Variants in DLGAP1 observed in about 807,000 individuals in gnomAD.
DLGAP1 encodes the protein disks large-associated protein 1.
Under a neutral mutation model 90.8 loss-of-function variants are expected in DLGAP1, and 11 were observed. The ratio of observed to expected loss-of-function variants is 0.12; its 90% CI spans 0.08 to 0.20. The LOEUF (loss-of-function observed/expected upper bound fraction) is 0.20. Ranked by LOEUF, DLGAP1 falls within the 10% of genes least tolerant of loss-of-function variation. The pLI is 1.00. For synonymous variants in DLGAP1, 558 were observed against 540.7 expected (o/e 1.03, Z -0.44); for missense variants, 1,050 against 1,333.8 (o/e 0.79, Z 3.31).
chr18:3,552,685 AC>A (rs1324699877), intron 9 of DLGAP1, among the ~76,000 whole-genome samples: 3 of 152,138 alleles, frequency 2.0e-5, no homozygotes, highest in Non-Finnish European at 4.4e-5. Context: ...CAGGCCAGAG[AC>A]CCTTAGTTTT....
intron 3 of DLGAP1, among the ~76,000 whole-genome samples, chr18:3,989,975 A>T (rs1599278900): frequency 1.3e-5 from 2 of 152,166 alleles, no homozygotes; most frequent in African/African-American, 4.8e-5. Flanking sequence ...TTAAAAAGTC[A>T]GGAAACAACA....
At chr18:4,235,717 G>GTTTTT (rs2078395182) in intron 1 of DLGAP1, among the ~76,000 whole-genome samples, 3 of 101,606 alleles carry the variant, frequency 3.0e-5, no homozygotes, top group African/African-American at 7.5e-5. Flanking sequence ...CAATTTCAAT[G>GTTTTT]TCTTTTTTTT....
intron 1 of DLGAP1, among the ~76,000 whole-genome samples, chr18:4,450,057 C>A (rs757506416): frequency 6.6e-6 from 1 of 152,156 alleles, no homozygotes. Flanking sequence ...AATGTCTACA[C>A]GAAAATAGCT....
chr18:4,073,746 G>C (rs1319386524), intron 2 of DLGAP1, among the ~76,000 whole-genome samples: 2 of 152,090 alleles, frequency 1.3e-5, no homozygotes, highest in African/African-American at 2.4e-5. Flanking sequence ...ATTTGACACT[G>C]ATAGGAGAAG....
At chr18:3,869,737 C>G (rs1256452687) in intron 4 of DLGAP1, among the ~76,000 whole-genome samples, 2 of 152,042 alleles carry the variant, frequency 1.3e-5, no homozygotes, top group Non-Finnish European at 2.9e-5. Flanking sequence ...AATCCCAATG[C>G]CAGCTTAATA....
rs143079801 is a variant in DLGAP1, at chr18:4,287,238, A to G, written c.-266-135951T>C. ...GAGATACCATCTCACATCAGTTAAA[A>G]AGTCAGGAAACAACAGATGCTGGAG... is the stretch of plus-strand genomic sequence containing the variant. On this transcript the variant is annotated intron_variant, in intron 1 of 12. Transcript: ENST00000315677. 3.5e-4 allele frequency among the ~76,000 whole-genome samples: 53 copies of G among 152,342 alleles called. No homozygotes were observed. The East Asian group carries it at 9.6e-3, about 28-fold the overall frequency.
At chr18:3,636,361 T>G (rs1187680538) in intron 7 of DLGAP1, among the ~76,000 whole-genome samples, 2 of 151,646 alleles carry the variant, frequency 1.3e-5, no homozygotes, top group Non-Finnish European at 2.9e-5. Flanking sequence ...CCAGACCCTA[T>G]AGAGTGCCCA....
chr18:3,927,558 A>G (rs1317348487), intron 3 of DLGAP1, among the ~76,000 whole-genome samples: 1 of 152,214 alleles, frequency 6.6e-6, no homozygotes, highest in East Asian at 1.9e-4. Flanking sequence ...AGGCTAAATA[A>G]ATTTTTATCG....
At chr18:3,860,161 A>T (rs2069954314) in intron 4 of DLGAP1, among the ~76,000 whole-genome samples, 1 of 151,826 alleles carries the variant, frequency 6.6e-6, no homozygotes, top group African/African-American at 2.4e-5. Flanking sequence ...GCATTTTGTT[A>T]TTGCAGCCAT....
At chr18:3,965,746 G>A (rs554528430) in intron 3 of DLGAP1, among the ~76,000 whole-genome samples, 27 of 151,954 alleles carry the variant, frequency 1.8e-4, no homozygotes, top group African/African-American at 6.0e-4. Flanking sequence ...TCAGGAGTTC[G>A]AGACAAGCCT....
At chr18:3,823,824 C>A (rs149424266) in intron 4 of DLGAP1, among the ~76,000 whole-genome samples, 5 of 151,710 alleles carry the variant, frequency 3.3e-5, no homozygotes, top group African/African-American at 1.2e-4. Flanking sequence ...GTGGCTGGCA[C>A]CTGTAATCCC....
intron 7 of DLGAP1, among the ~76,000 whole-genome samples, chr18:3,691,222 G>A (rs1229358362): frequency 1.3e-5 from 2 of 152,116 alleles, no homozygotes; most frequent in East Asian, 1.9e-4. Context: ...GTGGAGGCGG[G>A]TGGATCACCT....
chr18:4,396,270 A>G (rs747583447), intron 1 of DLGAP1, among the ~76,000 whole-genome samples: 11 of 152,152 alleles, frequency 7.2e-5, no homozygotes, highest in Non-Finnish European at 1.3e-4. Context: ...AAAGACCATG[A>G]TTCCAAAAGG....
chr18:3,805,020 T>A (rs1418062452), intron 5 of DLGAP1, among the ~76,000 whole-genome samples: 1 of 152,202 alleles, frequency 6.6e-6, no homozygotes, highest in Non-Finnish European at 1.5e-5. Context: ...TTCTCCCCCA[T>A]TAGATCGCAA....
At chr18:4,017,803 C>T (rs1248060463) in intron 2 of DLGAP1, among the ~76,000 whole-genome samples, 10 of 151,578 alleles carry the variant, frequency 6.6e-5, no homozygotes, top group African/African-American at 1.5e-4. Context: ...TTTGCTTTGC[C>T]GATTAGTGAA....
chr18:4,448,957 G>C (rs1049351271), intron 1 of DLGAP1, among the ~76,000 whole-genome samples: 6 of 152,154 alleles, frequency 3.9e-5, no homozygotes, highest in African/African-American at 1.4e-4. Context: ...TATTCTTTGA[G>C]TCCTTGGTGA....
At chr18:4,015,559 T>C (rs2074508091) in intron 2 of DLGAP1, among the ~76,000 whole-genome samples, 1 of 152,254 alleles carries the variant, frequency 6.6e-6, no homozygotes, top group South Asian at 2.1e-4. Flanking sequence ...TGTTTGCTTT[T>C]AGGGAAAATT....
intron 7 of DLGAP1, among the ~76,000 whole-genome samples, chr18:3,609,697 G>A (rs1469152550): frequency 2.6e-5 from 4 of 152,026 alleles, no homozygotes; most frequent in African/African-American, 9.7e-5. Flanking sequence ...GTGACATATA[G>A]GAATTAGGTG....
At chr18:4,219,867 G>A (rs1375288425) in intron 1 of DLGAP1, among the ~76,000 whole-genome samples, 1 of 152,074 alleles carries the variant, frequency 6.6e-6, no homozygotes, top group Non-Finnish European at 1.5e-5. Context: ...GGACTATGCT[G>A]TTTTGATTAA....
Sources: gnomAD v4.1 joint callset for allele counts (sites outside exome capture counted in the v4.1 genomes callset) on GRCh38, gnomAD v4.1.1 for gene constraint, MANE v1.5 for transcripts, NCBI Gene and HGNC (gene_info 2026-07-23, HGNC 2026-07-21) for gene names.